Variants in C1QTNF1 observed in about 807,000 individuals in gnomAD.
C1QTNF1 encodes the protein complement C1q tumor necrosis factor-related protein 1.
Under a neutral mutation model 27.8 loss-of-function variants are expected in C1QTNF1, and 22 were observed. That is an observed-to-expected ratio of 0.79 (90% CI 0.56 to 1.13). The LOEUF is 1.13. C1QTNF1 is among the 50% of genes most tolerant of loss of function. The probability of loss-of-function intolerance (pLI) is 0.00; values close to 1 mark genes in which losing one functional copy is unlikely to be tolerated. For synonymous variants in C1QTNF1, 166 were observed against 154.3 expected, an observed-to-expected ratio of 1.08 and a Z score of -0.56; for missense variants, 373 against 380.2, an observed-to-expected ratio of 0.98 and a Z score of 0.16.
chr17:79,043,063 ATGTG>A (rs936516068), intron 1 of C1QTNF1, among the ~76,000 whole-genome samples: 60 of 142,166 alleles, frequency 4.2e-4, no homozygotes, highest in Non-Finnish European at 4.8e-4. Flanking sequence ...TGTGGGTTGC[ATGTG>A]TGTGTGGGTT....
intron 1 of C1QTNF1, among the ~76,000 whole-genome samples, chr17:79,040,902 A>C (rs957553778): frequency 1.3e-5 from 2 of 152,038 alleles, no homozygotes; most frequent in African/African-American, 4.8e-5. Flanking sequence ...GTCAAAAAAA[A>C]AAATCAGAAT....
At chr17:79,042,411 G>A (rs575224789) in intron 1 of C1QTNF1, among the ~76,000 whole-genome samples, 5 of 152,336 alleles carry the variant, frequency 3.3e-5, no homozygotes, top group Admixed American at 6.5e-5. Flanking sequence ...GATGGAGGGG[G>A]TCCTGCCCCA....
At chr17:79,026,606 T>TTCTCCTCCCGCCTCCC (rs1417672824) in intron 1 of C1QTNF1, among the ~76,000 whole-genome samples, 1 of 152,220 alleles carries the variant, frequency 6.6e-6, no homozygotes, top group Non-Finnish European at 1.5e-5. Flanking sequence ...GACTCTCTAC[T>TTCTCCTCCCGCCTCCC]TCTCCTCCCG....
At chr17:79,028,173 A>T (rs1488315070) in intron 1 of C1QTNF1, among the ~76,000 whole-genome samples, 1 of 152,162 alleles carries the variant, frequency 6.6e-6, no homozygotes, top group African/African-American at 2.4e-5. Flanking sequence ...GAAGAGGCAG[A>T]CAGGCAGGCG....
intron 1 of C1QTNF1, chr17:79,043,481 C>T (rs1282552534): frequency 9.0e-6 from 4 of 446,856 alleles, no homozygotes; most frequent in South Asian, 3.1e-5. Context: ...CATATGGGTG[C>T]GTGGATTGCA....
rs941251823 is a variant in C1QTNF1 at position 79,048,755 on chromosome 17, AG to A, written c.*669del. 7 of 152,226 alleles carry A rather than the reference AG, an allele frequency of 4.6e-5. No individual in the cohort carries two copies. Among genetic ancestry groups the A allele is most frequent in the Non-Finnish European group, 7.3e-5 (5 of 68,048 alleles). 9.4% of individuals were successfully genotyped at this position (152,226 alleles called of 1,614,324 possible). A position where few individuals can be genotyped will look rare whatever the true frequency, so the allele number is the denominator to read the frequency against. On this transcript the variant is annotated 3_prime_UTR_variant, in exon 4 of 4. Transcript: ENST00000579760. Reference sequence around the variant, plus strand: ...GCGAGGTGATGGGGGCTGGGGCCCCAGGCGTCAGCCTCCCAGAGGGACAGCT... The same window carrying A: ...GCGAGGTGATGGGGGCTGGGGCCCCAGCGTCAGCCTCCCAGAGGGACAGCT...
intron 1 of C1QTNF1, chr17:79,043,441 C>A: frequency 2.2e-6 from 1 of 450,216 alleles, no homozygotes; most frequent in Middle Eastern, 7.1e-4. Flanking sequence ...TGCATGTGAG[C>A]GTGTGGATTC....
chr17:79,047,089 C>G (rs1026216600), intron 3 of C1QTNF1: 2 of 247,552 alleles, frequency 8.1e-6, no homozygotes, highest in Non-Finnish European at 1.5e-5. Context: ...TGCACAGCCC[C>G]GTGAAATCGA....
chr17:79,046,967 C>G lies in C1QTNF1; in HGVS notation c.295+273C>G, dbSNP rs1259128900. ...GAGGCTACTCGGGGTCTCGTCCCTC[C>G]AGTTGTATGTGGACGCCAGGCTTCT... On this transcript the variant is annotated intron_variant, in intron 3 of 3. Coordinates refer to ENST00000579760, the MANE Select transcript of C1QTNF1 (RefSeq NM_030968.5). This position sits in a 1 kb window ranked among gnomAD's most constrained non-coding sequence, Gnocchi z 4.8. The G allele has an allele frequency of 6.2e-6, 3 of 483,670 alleles. No homozygotes were observed. The highest frequency in any genetic ancestry group is 1.9e-5 in the African/African-American group (1 of 51,814). The allele number at this position is 483,670 out of a possible 1,614,324, so 30.0% of individuals were successfully genotyped here. A position where few individuals can be genotyped will look rare whatever the true frequency, so the allele number is the denominator to read the frequency against.
chr17:79,047,484 C>G, intron 3 of C1QTNF1, 54 bp from the exon 4 acceptor site: 4 of 1,488,308 alleles, frequency 2.7e-6, no homozygotes, highest in Non-Finnish European at 3.6e-6. Flanking sequence ...AGCCAAGGCT[C>G]AGGACACTAC....
chr17:79,026,659 G>T (rs897198711), intron 1 of C1QTNF1, among the ~76,000 whole-genome samples: 7 of 152,188 alleles, frequency 4.6e-5, no homozygotes, highest in Non-Finnish European at 8.8e-5. Flanking sequence ...GGTGTCCCCA[G>T]TGAGCTCATT....
intron 1 of C1QTNF1, chr17:79,043,730 T>A: frequency 1.5e-6 from 1 of 645,660 alleles, no homozygotes; most frequent in Non-Finnish European, 2.9e-6. Context: ...TGTGTGTGCA[T>A]GTGCGTGTGT....
chr17:79,047,107 A>C (rs1181037679), intron 3 of C1QTNF1: 1 of 244,240 alleles, frequency 4.1e-6, no homozygotes, highest in Admixed American at 5.0e-5. Context: ...CGAACTGGAA[A>C]CACTTGCAGC....
At chr17:79,044,973 CG>C (rs951127682) in intron 2 of C1QTNF1, among the ~76,000 whole-genome samples, 2 of 152,150 alleles carry the variant, frequency 1.3e-5, no homozygotes, top group Non-Finnish European at 2.9e-5. Flanking sequence ...CCCCCAGGCA[CG>C]GGGGGACACA....
Position 79,048,950 on chromosome 17 carries a change from G to C in C1QTNF1, c.*862G>C, listed in dbSNP as rs549400416. On this transcript the variant is annotated 3_prime_UTR_variant, in exon 4 of 4. Coordinates refer to ENST00000579760, the MANE Select transcript of C1QTNF1 (RefSeq NM_030968.5). ...CCTGTGCCACCCCAGAGCCCTGGGGGGTGGTCTCCATGCCTGCCACCCTGG... is the reference window on the plus strand; with the variant it reads ...CCTGTGCCACCCCAGAGCCCTGGGGCGTGGTCTCCATGCCTGCCACCCTGG... 2 of 152,150 alleles carry C rather than the reference G, an allele frequency of 1.3e-5. No homozygotes were observed. The highest frequency in any genetic ancestry group is 4.8e-5 in the African/African-American group (2 of 41,536). The allele number at this position is 152,150 out of a possible 1,614,324, so 9.4% of individuals were successfully genotyped here. A position where few individuals can be genotyped will look rare whatever the true frequency, so the allele number is the denominator to read the frequency against.
At chr17:79,029,389 G>A (rs1365796975) in intron 1 of C1QTNF1, among the ~76,000 whole-genome samples, 3 of 152,182 alleles carry the variant, frequency 2.0e-5, no homozygotes, top group East Asian at 1.9e-4. Flanking sequence ...TGGGGCAAGC[G>A]GCTCCATCGC....
rs551643313 is a variant in C1QTNF1, at chr17:79,045,154, TC to T, written c.155+1032del. Among the ~76,000 whole-genome samples, 553 of 151,954 alleles carry T rather than the reference TC, an allele frequency of 3.6e-3. 2 individuals are homozygous for T. The highest frequency in any genetic ancestry group is 6.4e-3 in the Non-Finnish European group (438 of 67,920). Reference sequence around the variant, plus strand: ...GGAAGACTGAAAGGAGTGAACTAGGTCTTGAAGGACACCTGCGGGCCTCCCA... The same window carrying T: ...GGAAGACTGAAAGGAGTGAACTAGGTTTGAAGGACACCTGCGGGCCTCCCA... On this transcript the variant is annotated intron_variant, in intron 2 of 3. Transcript: ENST00000579760.
At chr17:79,042,331 G>C (rs941669844) in intron 1 of C1QTNF1, among the ~76,000 whole-genome samples, 1 of 152,358 alleles carries the variant, frequency 6.6e-6, no homozygotes, top group Admixed American at 6.5e-5. Context: ...CCCAAGTGCC[G>C]CCCCTCGCGG....
chr17:79,045,083 C>T (rs1405886696), intron 2 of C1QTNF1, among the ~76,000 whole-genome samples: 2 of 152,036 alleles, frequency 1.3e-5, no homozygotes, highest in Non-Finnish European at 2.9e-5. Flanking sequence ...TAGGGGTGTA[C>T]CCATGACGCT....
Sources: allele counts gnomAD v4.1 joint callset (sites outside exome capture counted in the v4.1 genomes callset), GRCh38; gene constraint gnomAD v4.1.1; non-coding constraint Gnocchi (gnomAD v3.1); transcripts MANE v1.5; gene names NCBI Gene and HGNC (gene_info 2026-07-23, HGNC 2026-07-21).